TBC1D22A: variants seen among roughly 807,000 people sequenced by gnomAD.
TBC1D22A encodes the protein putative GTPase activator.
A neutral mutation model predicts 60.2 loss-of-function variants in TBC1D22A; 38 were observed. The ratio of observed to expected loss-of-function variants is 0.63; its 90% CI spans 0.49 to 0.83. The LOEUF (loss-of-function observed/expected upper bound fraction) is 0.83, where lower values mean the gene tolerates loss of function less well. TBC1D22A is among the 40% of genes least tolerant of loss of function. TBC1D22A has a pLI of 0.00. For missense variants in TBC1D22A, 628 were observed against 701.0 expected (o/e 0.90, Z 1.18); for synonymous variants, 302 against 281.7 (o/e 1.07, Z -0.72).
chr22:47,165,192 G>A (rs2068153129), intron 12 of TBC1D22A, among the ~76,000 whole-genome samples: 1 of 152,126 alleles, frequency 6.6e-6, no homozygotes, highest in Admixed American at 6.5e-5. Context: ...CCAGGGCCCT[G>A]TGGTGAGGAG....
At chr22:47,047,824 G>A (rs562190707) in intron 11 of TBC1D22A, among the ~76,000 whole-genome samples, 5 of 152,334 alleles carry the variant, frequency 3.3e-5, no homozygotes, top group East Asian at 1.9e-4. Flanking sequence ...GGCTCCTGCC[G>A]TCTGCCTCTA....
chr22:46,882,728 C>T (rs764909752), intron 5 of TBC1D22A, among the ~76,000 whole-genome samples: 47 of 152,296 alleles, frequency 3.1e-4, no homozygotes, highest in African/African-American at 1.0e-3. Context: ...TTAACAGTTA[C>T]GCCCAGAATT....
chr22:46,797,860 C>T (rs899418128), intron 4 of TBC1D22A, among the ~76,000 whole-genome samples: 5 of 152,040 alleles, frequency 3.3e-5, no homozygotes, highest in African/African-American at 9.7e-5. Context: ...ATGTATTTTG[C>T]GTTCCTTTTT....
intron 1 of TBC1D22A, among the ~76,000 whole-genome samples, chr22:46,779,992 G>A (rs2083870806): frequency 6.6e-6 from 1 of 152,208 alleles, no homozygotes; most frequent in South Asian, 2.1e-4. Flanking sequence ...AGGGGATGGT[G>A]GAATTGTTCA....
intron 9 of TBC1D22A, among the ~76,000 whole-genome samples, chr22:46,991,619 A>C (rs2074943645): frequency 6.6e-6 from 1 of 152,306 alleles, no homozygotes; most frequent in South Asian, 2.1e-4. Flanking sequence ...TGCCTCGTGA[A>C]TGATACCCCT....
chr22:47,064,357 C>CA (rs2063686789), intron 11 of TBC1D22A, among the ~76,000 whole-genome samples: 1 of 152,264 alleles, frequency 6.6e-6, no homozygotes, highest in Non-Finnish European at 1.5e-5. Context: ...GTTCAGCAAA[C>CA]ACAGAATTAG....
At chr22:46,974,186 G>C (rs960940207) in intron 8 of TBC1D22A, 104 bp from the exon 9 acceptor site, 1 of 864,398 alleles carries the variant, frequency 1.2e-6, no homozygotes, top group Non-Finnish European at 1.9e-6. Context: ...GTGGGTGGAG[G>C]GAGCTGGATG....
At chr22:46,862,528 G>T (rs8135155) in intron 4 of TBC1D22A, among the ~76,000 whole-genome samples, 3,177 of 152,278 alleles carry the variant, frequency 0.021, 124 homozygotes, top group African/African-American at 0.072. Context: ...GGCTCCCGAG[G>T]CCATTCTCCC....
At chr22:47,051,463 A>G (rs1280592497) in intron 11 of TBC1D22A, among the ~76,000 whole-genome samples, 4 of 152,152 alleles carry the variant, frequency 2.6e-5, no homozygotes, top group African/African-American at 9.7e-5. Context: ...ATCCTCCTGG[A>G]CTTGCTTCAA....
At chr22:46,768,327 A>T (rs2083358660) in intron 1 of TBC1D22A, 1 of 152,330 alleles carries the variant, frequency 6.6e-6, no homozygotes, top group South Asian at 2.1e-4. Flanking sequence ...TCTACTAAAA[A>T]TACAAAAGTT....
intron 12 of TBC1D22A, among the ~76,000 whole-genome samples, chr22:47,142,416 C>T (rs1169378343): frequency 1.5e-5 from 1 of 66,160 alleles, no homozygotes; most frequent in Non-Finnish European, 3.3e-5. Context: ...GCCACCCACC[C>T]ATCCATTCAC....
At chr22:46,791,752 G>A (rs1043691794) in intron 1 of TBC1D22A, among the ~76,000 whole-genome samples, 1 of 152,146 alleles carries the variant, frequency 6.6e-6, no homozygotes, top group African/African-American at 2.4e-5. Context: ...GACTTTTATA[G>A]TAAAACTGTT....
At chr22:46,785,277 TC>T (rs2084110130) in intron 1 of TBC1D22A, among the ~76,000 whole-genome samples, 3 of 152,342 alleles carry the variant, frequency 2.0e-5, no homozygotes, top group Admixed American at 2.0e-4. Flanking sequence ...CACTGGGCCT[TC>T]AGCTAGTGCT....
intron 4 of TBC1D22A, among the ~76,000 whole-genome samples, chr22:46,860,286 G>A (rs1348225013): frequency 3.8e-5 from 2 of 52,006 alleles, no homozygotes; most frequent in East Asian, 5.6e-4. Flanking sequence ...CCCTTCCCGG[G>A]ACCAGAATCC....
At chr22:46,948,524 TG>T (rs1336936625) in intron 8 of TBC1D22A, among the ~76,000 whole-genome samples, 2 of 152,198 alleles carry the variant, frequency 1.3e-5, no homozygotes, top group East Asian at 3.9e-4. Context: ...CCCCCCACGG[TG>T]GGTTTCTCAC....
chr22:46,963,190 T>TA (rs546724993), intron 8 of TBC1D22A, among the ~76,000 whole-genome samples: 63 of 143,894 alleles, frequency 4.4e-4, no homozygotes, highest in South Asian at 2.8e-3. Flanking sequence ...GCCACCGCAC[T>TA]ATAGCCCGGG....
In TBC1D22A at chr22:46,793,636, G is replaced by A. The variant is rs201854936; in HGVS notation, c.255G>A (p.Ala85=). The change falls in exon 3 of 13, where the codon GCG becomes GCA. Residue 85 remains alanine (A), a synonymous_variant. Coordinates refer to ENST00000337137, the MANE Select transcript of TBC1D22A (RefSeq NM_014346.5). ...GEDDDELLAM[A]AESLNSEVVM... ...ACGACGATGAGCTCCTGGCCATGGC[G>A]GCGGAGAGCCTGAACTCCGAGGTGG... The A allele has an allele frequency of 2.5e-4, 399 of 1,613,762 alleles. 2 individuals are homozygous for A. Among genetic ancestry groups the A allele is most frequent in the Admixed American group, 7.3e-4 (44 of 60,024 alleles).
chr22:46,955,709 T>C (rs2073152565), intron 8 of TBC1D22A, among the ~76,000 whole-genome samples: 1 of 152,260 alleles, frequency 6.6e-6, no homozygotes, highest in South Asian at 2.1e-4. Flanking sequence ...TATTTTTGTC[T>C]ATCAAATCAT....
chr22:47,025,969 A>G (rs2062243491), intron 10 of TBC1D22A, among the ~76,000 whole-genome samples: 1 of 152,236 alleles, frequency 6.6e-6, no homozygotes, highest in African/African-American at 2.4e-5. Context: ...GCAGACTGGT[A>G]TCCATCATGA....
Sources: allele counts gnomAD v4.1 joint callset (sites outside exome capture counted in the v4.1 genomes callset), GRCh38; gene constraint gnomAD v4.1.1; transcripts MANE v1.5; gene names NCBI Gene and HGNC (gene_info 2026-07-23, HGNC 2026-07-21).